The following CAPN2 variants were observed in gnomAD, a reference collection of about 807,000 sequenced individuals.
CAPN2 encodes calpain 2, also known as calpain-2 catalytic subunit.
CAPN2 carries 92 observed loss-of-function variants against 102.3 expected under a neutral mutation model. That is an observed-to-expected ratio of 0.90 (90% CI 0.76 to 1.07). The LOEUF (loss-of-function observed/expected upper bound fraction) is 1.07, where lower values mean the gene tolerates loss of function less well. CAPN2 is among the 50% of genes least tolerant of loss of function. The probability of loss-of-function intolerance (pLI) is 0.00; values close to 1 mark genes in which losing one functional copy is unlikely to be tolerated. For synonymous variants in CAPN2, 340 were observed against 355.4 expected (o/e 0.96, Z 0.49); for missense variants, 800 against 909.4 (o/e 0.88, Z 1.55).
At chr1:223,715,737 A>G (rs547944788) in intron 1 of CAPN2, among the ~76,000 whole-genome samples, 11 of 152,236 alleles carry the variant, frequency 7.2e-5, no homozygotes, top group Non-Finnish European at 1.3e-4. Context: ...GTGAGCCCCT[A>G]TGTTTCCCCC....
At position 223,759,633 on chromosome 1, in the gene CAPN2, T is replaced by C. The variant is rs1661136855; in HGVS notation, c.1529+152T>C. On this transcript the variant is annotated intron_variant, in intron 12 of 20. Transcript: ENST00000295006. The surrounding 1 kb of genome is among the most constrained non-coding windows in gnomAD (Gnocchi z 4.6). ...TCGAAGGACTAGTGTGGGGATTTGA[T>C]GGATTGAGGAAGTTCTAGTGTTATA... is the stretch of plus-strand genomic sequence containing the variant. 2 of 642,802 alleles carry C rather than the reference T, an allele frequency of 3.1e-6. No individual in the cohort carries two copies. Among genetic ancestry groups the C allele is most frequent in the Non-Finnish European group, 5.3e-6 (2 of 374,194 alleles). The allele number at this position is 642,802 out of a possible 1,614,324, so 39.8% of individuals were successfully genotyped here.
At chr1:223,716,501 G>A (rs1247740851) in intron 1 of CAPN2, among the ~76,000 whole-genome samples, 1 of 152,106 alleles carries the variant, frequency 6.6e-6, no homozygotes, top group Non-Finnish European at 1.5e-5. Context: ...ACAAGGCAGA[G>A]GCATGAAGGG....
At chr1:223,767,529 T>G (rs1433567971) in intron 16 of CAPN2, among the ~76,000 whole-genome samples, 144 of 151,564 alleles carry the variant, frequency 9.5e-4, no homozygotes, top group African/African-American at 3.4e-3. Flanking sequence ...TCATCATTTT[T>G]TATGGCTGCA....
intron 6 of CAPN2, 33 bp from the exon 7 acceptor site, chr1:223,750,857 C>T: frequency 6.5e-7 from 1 of 1,544,834 alleles, no homozygotes; most frequent in African/African-American, 1.4e-5. Context: ...TTGAACTCAA[C>T]CTCTTACTCC....
At chr1:223,738,089 T>A (rs892794386) in intron 2 of CAPN2, among the ~76,000 whole-genome samples, 1 of 152,222 alleles carries the variant, frequency 6.6e-6, no homozygotes, top group Non-Finnish European at 1.5e-5. Flanking sequence ...TAGCTATGCT[T>A]CATATTTAAT....
intron 16 of CAPN2, among the ~76,000 whole-genome samples, chr1:223,766,731 C>T (rs949593339): frequency 6.6e-6 from 1 of 152,104 alleles, no homozygotes; most frequent in African/African-American, 2.4e-5. Context: ...CCAAGGTGGG[C>T]CTCCTGACTC....
In CAPN2 at chr1:223,752,887, T is replaced by C. The variant is rs1464459106; in HGVS notation, c.1066T>C (p.Trp356Arg). The C allele has an allele frequency of 6.2e-7, 1 of 1,614,078 alleles. No homozygotes were observed. The highest frequency in any genetic ancestry group is 1.7e-5 in the Admixed American group (1 of 60,014). Residue 356 changes from tryptophan (W) to arginine (R), a missense_variant, in exon 9 of 21, where the codon TGG (tryptophan) becomes CGG (arginine). Transcript: ENST00000295006. ...TCTCACCAGCGATACCTACAAGAAG[T>C]GGAAACTCACCAAAATGGATGGGAA... ...DTLTSDTYKK[W>R]KLTKMDGNWR...
chr1:223,750,827 C>T, intron 6 of CAPN2, 63 bp from the exon 7 acceptor site: 2 of 1,484,216 alleles, frequency 1.3e-6, no homozygotes, highest in South Asian at 2.4e-5. Flanking sequence ...GTTGGAGGCC[C>T]AAGCCTTCAT....
chr1:223,770,030 T>C, intron 17 of CAPN2, 121 bp downstream of exon 17: 2 of 882,370 alleles, frequency 2.3e-6, no homozygotes, highest in Admixed American at 2.1e-5. Context: ...ATTTTACCCA[T>C]AATGAAGCTC....
intron 11 of CAPN2, chr1:223,757,902 C>T (rs993653055): frequency 6.5e-6 from 1 of 152,892 alleles, no homozygotes; most frequent in African/African-American, 2.4e-5. Context: ...GCTCTTTCAC[C>T]CAGGATGAAG....
At chr1:223,762,096 A>T in intron 13 of CAPN2, 90 bp from the exon 14 acceptor site, 1 of 1,044,462 alleles carries the variant, frequency 9.6e-7, no homozygotes, top group Non-Finnish European at 1.5e-6. Flanking sequence ...AGAGAAGGGG[A>T]GTGGGAGGTG....
At chr1:223,752,406 T>TA (rs1398789505) in intron 8 of CAPN2, among the ~76,000 whole-genome samples, 1 of 152,158 alleles carries the variant, frequency 6.6e-6, no homozygotes, top group East Asian at 1.9e-4. Flanking sequence ...CCCAGCCCCT[T>TA]AAGAAACTGG....
At chr1:223,713,765 C>G (rs1385715219) in intron 1 of CAPN2, among the ~76,000 whole-genome samples, 2 of 152,200 alleles carry the variant, frequency 1.3e-5, no homozygotes, top group African/African-American at 4.8e-5. Context: ...AGGTCACCTT[C>G]TGTTACCCTA....
chr1:223,721,967 T>C (rs1660060062), intron 2 of CAPN2, among the ~76,000 whole-genome samples: 2 of 152,104 alleles, frequency 1.3e-5, no homozygotes, highest in South Asian at 4.1e-4. Context: ...ATGTGAAAAG[T>C]CCTTTTGCCA....
rs1204250433 is a variant in CAPN2 at position 223,755,420 on chromosome 1, C to A, written c.1136-60C>A. 7 of 1,567,550 alleles carry A rather than the reference C, an allele frequency of 4.5e-6. No homozygotes were observed. Among genetic ancestry groups the A allele is most frequent in the South Asian group, 1.1e-5 (1 of 87,900 alleles). On this transcript the variant is annotated intron_variant, in intron 9 of 20. Coordinates refer to ENST00000295006, the MANE Select transcript of CAPN2 (RefSeq NM_001748.5). The surrounding 1 kb of genome is among the most constrained non-coding windows in gnomAD (Gnocchi z 4.1). ...GCCTCCAAGCCTGAGACCAGGGCCA[C>A]CCCCCACCCCCATGCATTCCTGCTC...
upstream of CAPN2, among the ~76,000 whole-genome samples, chr1:223,709,240 G>A (rs117427748): frequency 1.2e-3 from 181 of 152,326 alleles, 4 homozygotes; most frequent in East Asian, 0.027. Flanking sequence ...GTCAAGCAAA[G>A]GGGGTAAGCA....
Position 223,755,910 on chromosome 1 carries a change from C to A in CAPN2, c.1305+261C>A, listed in dbSNP as rs1661024628. Among the ~76,000 whole-genome samples, 1 of 152,226 alleles carries A rather than the reference C, an allele frequency of 6.6e-6. No homozygotes were observed. Among genetic ancestry groups the A allele is most frequent in the Non-Finnish European group, 1.5e-5 (1 of 68,030 alleles). ...TGCAGGGAGTTCCACTCTCAAATGG[C>A]CTCCACATCCCTTCTCACATCCTCC... On this transcript the variant is annotated intron_variant, in intron 10 of 20. Transcript: ENST00000295006. This position sits in a 1 kb window ranked among gnomAD's most constrained non-coding sequence, Gnocchi z 4.1.
At position 223,754,625 on chromosome 1, in the gene CAPN2, G is replaced by A. The variant is rs1166352228; in HGVS notation, c.1136-855G>A. Among the ~76,000 whole-genome samples, 2 of 152,204 alleles carry A rather than the reference G, an allele frequency of 1.3e-5. No individual in the cohort carries two copies. Among genetic ancestry groups the A allele is most frequent in the Non-Finnish European group, 2.9e-5 (2 of 68,036 alleles). ...GGTTTTATCCCATTAGGTATGGAAA[G>A]GCAATTAGCATAATTCCCCTTAAAC... On this transcript the variant is annotated intron_variant, in intron 9 of 20. Transcript: ENST00000295006. The surrounding 1 kb of genome is among the most constrained non-coding windows in gnomAD (Gnocchi z 4.7).
At position 223,775,031 on chromosome 1, in the gene CAPN2, C is replaced by A; in HGVS notation, c.*174C>A. On this transcript the variant is annotated 3_prime_UTR_variant, in exon 21 of 21. Transcript: ENST00000295006. ...AATTTGAGATAGCAGAAGTTTCACA[C>A]ATCAAAGTAAAAGATTTGCATATCA... 2 of 627,778 alleles carry A rather than the reference C, an allele frequency of 3.2e-6. No homozygotes were observed. The highest frequency in any genetic ancestry group is 5.6e-6 in the Non-Finnish European group (2 of 357,230). 38.9% of individuals were successfully genotyped at this position (627,778 alleles called of 1,614,324 possible). A position where few individuals can be genotyped will look rare whatever the true frequency, so the allele number is the denominator to read the frequency against.
Sources: allele counts gnomAD v4.1 joint callset (sites outside exome capture counted in the v4.1 genomes callset), GRCh38; gene constraint gnomAD v4.1.1; non-coding constraint Gnocchi (gnomAD v3.1); transcripts MANE v1.5; gene names NCBI Gene and HGNC (gene_info 2026-07-23, HGNC 2026-07-21).